The following SLC9B1 variants were observed in gnomAD, a reference collection of about 807,000 sequenced individuals.
SLC9B1 encodes the protein solute carrier family 9 member B1.
SLC9B1 carries 32 observed loss-of-function variants against 51.7 expected under a neutral mutation model. That is an observed-to-expected ratio of 0.62 (90% CI 0.47 to 0.83). The LOEUF is 0.83. Among genes scored for constraint, SLC9B1 ranks in the 40% least tolerant of loss-of-function variants. The pLI is 0.00. For missense variants in SLC9B1, 406 were observed against 613.2 expected, an observed-to-expected ratio of 0.66 and a Z score of 3.57; for synonymous variants, 145 against 212.7, an observed-to-expected ratio of 0.68 and a Z score of 2.77.
chr4:102,974,242 GA>G (rs141412944), intron 3 of SLC9B1, among the ~76,000 whole-genome samples: 2,871 of 53,074 alleles, frequency 0.054, 23 homozygotes, highest in African/African-American at 0.077. Context: ...GTCTAAAATT[GA>G]AAAAAAAAAA....
intron 10 of SLC9B1, chr4:102,906,269 G>A (rs112319305): frequency 0.018 from 3,615 of 199,706 alleles, 46 homozygotes; most frequent in Non-Finnish European, 0.023. Context: ...AGCGCTGATC[G>A]TATCAAATAT....
At chr4:102,986,881 G>A (rs9999303) in intron 3 of SLC9B1, among the ~76,000 whole-genome samples, 88,170 of 151,820 alleles carry the variant, frequency 0.58, 27,007 homozygotes, top group African/African-American at 0.79. Context: ...ATTTTTTTCC[G>A]TTAGAGATCT....
At chr4:102,932,650 G>C (rs898666815) in intron 6 of SLC9B1, among the ~76,000 whole-genome samples, 3 of 152,186 alleles carry the variant, frequency 2.0e-5, no homozygotes, top group Non-Finnish European at 4.4e-5. Flanking sequence ...AGTAAGATAA[G>C]AGACAGACAA....
chr4:102,951,042 C>T (rs1422752100), intron 3 of SLC9B1, among the ~76,000 whole-genome samples: 1 of 152,046 alleles, frequency 6.6e-6, no homozygotes, highest in East Asian at 1.9e-4. Flanking sequence ...AAACAAAACA[C>T]GGACAAGAAA....
intron 3 of SLC9B1, among the ~76,000 whole-genome samples, chr4:102,977,297 T>TAAAAAAAA (rs3974480): frequency 7.7e-6 from 1 of 129,308 alleles, no homozygotes; most frequent in African/African-American, 2.7e-5. Flanking sequence ...TATTATAACT[T>TAAAAAAAA]AAAAAAAAAA....
chr4:102,885,062 G>C (rs1223619247), exon 12 of SLC9B1: 2 of 670,124 alleles, frequency 3.0e-6, no homozygotes, highest in Admixed American at 4.4e-5. Context: ...GGTAGAGCTG[G>C]CTTTATTGTG....
At chr4:102,954,787 T>C (rs1401595799) in intron 3 of SLC9B1, among the ~76,000 whole-genome samples, 1 of 151,998 alleles carries the variant, frequency 6.6e-6, no homozygotes, top group African/African-American at 2.4e-5. Context: ...ATTGGTAAAA[T>C]GTAGGTTAGT....
Position 102,982,397 on chromosome 4 carries a change from C to T in SLC9B1, c.211+7403G>A, listed in dbSNP as rs74491763. 8.8e-4 allele frequency among the ~76,000 whole-genome samples: 134 copies of T among 152,058 alleles called. No individual in the cohort carries two copies. In the East Asian group the frequency reaches 0.019, roughly 22 times the overall value. On this transcript the variant is annotated intron_variant, in intron 3 of 11. Transcript: ENST00000296422. ...GAGTTGGCTTTTCTGGGTCTTTTGC[C>T]TGCCCAAACAAATTTTTAAATAAAT...
At position 102,913,253 on chromosome 4, in the gene SLC9B1, T is replaced by C. The variant is rs1735425749; in HGVS notation, c.830-1716A>G. Among the ~76,000 whole-genome samples, 3 of 152,280 alleles carry C rather than the reference T, an allele frequency of 2.0e-5. No homozygotes were observed. In the South Asian group the frequency reaches 6.2e-4, roughly 32 times the overall value. On this transcript the variant is annotated intron_variant, in intron 7 of 11. Transcript: ENST00000296422. ...AACTTGACACCCAACTGGCATACTT[T>C]GGATGCGTGGGAGCCACTGGGAATA...
intron 9 of SLC9B1, among the ~76,000 whole-genome samples, chr4:102,906,850 C>T (rs1735083662): frequency 2.0e-5 from 3 of 152,136 alleles, no homozygotes; most frequent in Admixed American, 6.5e-5. Flanking sequence ...CTCGCAGTCT[C>T]CCAAGTAGAA....
intron 1 of SLC9B1, among the ~76,000 whole-genome samples, chr4:103,005,177 T>C (rs1474915950): frequency 6.6e-6 from 1 of 151,040 alleles, no homozygotes; most frequent in Non-Finnish European, 1.5e-5. Context: ...CCCAACAATA[T>C]ACTGTCTTCA....
chr4:102,921,744 T>G (rs1248329298), intron 7 of SLC9B1, among the ~76,000 whole-genome samples: 1 of 151,728 alleles, frequency 6.6e-6, no homozygotes, highest in African/African-American at 2.4e-5. Flanking sequence ...AAGCAAAAAA[T>G]AGCAGGGGTT....
chr4:102,968,551 G>A (rs1468425220), intron 3 of SLC9B1, among the ~76,000 whole-genome samples: 1 of 152,170 alleles, frequency 6.6e-6, no homozygotes, highest in Non-Finnish European at 1.5e-5. Flanking sequence ...TAAATGAAAG[G>A]AGAGGATTGT....
At position 102,977,724 on chromosome 4, in the gene SLC9B1, G is replaced by A. The variant is rs559498408; in HGVS notation, c.211+12076C>T. On this transcript the variant is annotated intron_variant, in intron 3 of 11. Transcript: ENST00000296422. ...ATTCTCAGAGCCCCAGCTGGGTGCA[G>A]TATATGGCTAAGCAATTAATATGGG... 1.4e-3 allele frequency among the ~76,000 whole-genome samples: 213 copies of A among 152,312 alleles called. 3 individuals are homozygous for A. Among genetic ancestry groups the A allele is most frequent in the South Asian group, 0.012 (57 of 4,826 alleles).
intron 3 of SLC9B1, among the ~76,000 whole-genome samples, chr4:102,980,024 T>C (rs1739275038): frequency 6.6e-6 from 1 of 152,158 alleles, no homozygotes; most frequent in African/African-American, 2.4e-5. Context: ...ATTAGAGAAA[T>C]GCAAATCAAA....
chr4:102,991,696 A>T lies in SLC9B1; in HGVS notation c.16T>A (p.Ser6Thr), dbSNP rs1262876495. 6.3e-7 allele frequency: 1 copy of T among 1,584,110 alleles called. No individual in the cohort carries two copies. Among genetic ancestry groups the T allele is most frequent in the Non-Finnish European group, 8.6e-7 (1 of 1,163,046 alleles). Residue 6 changes from serine (S) to threonine (T), a missense_variant, in exon 2 of 12, where the codon TCA becomes ACA. Ser to Thr is a moderately conservative substitution (Grantham distance 58). Coordinates refer to ENST00000296422, the MANE Select transcript of SLC9B1 (RefSeq NM_139173.4). MHTTE[S>T]KNEHLEDENF... ...TCATCCTCCAAATGTTCATTTTTTG[A>T]TTCTGTGGTATGCATGCTAAGATTT...
intron 1 of SLC9B1, among the ~76,000 whole-genome samples, chr4:103,006,726 A>C (rs1223578870): frequency 6.6e-6 from 1 of 152,226 alleles, no homozygotes; most frequent in Admixed American, 6.5e-5. Flanking sequence ...ACACTGATGC[A>C]AAAATCCTCA....
intron 11 of SLC9B1, among the ~76,000 whole-genome samples, 159 bp from the exon 12 acceptor site, chr4:102,901,491 T>C (rs1436955033): frequency 2.0e-5 from 3 of 152,280 alleles, no homozygotes; most frequent in African/African-American, 7.2e-5. Flanking sequence ...TTCCATGTTC[T>C]TCCTAGCAAA....
intron 3 of SLC9B1, among the ~76,000 whole-genome samples, chr4:102,987,285 C>A (rs1347850399): frequency 6.6e-6 from 1 of 152,000 alleles, no homozygotes; most frequent in Non-Finnish European, 1.5e-5. Flanking sequence ...ATGTGGAAGG[C>A]TAGAGGAGGC....
Sources: allele counts gnomAD v4.1 joint callset (sites outside exome capture counted in the v4.1 genomes callset), GRCh38; gene constraint gnomAD v4.1.1; transcripts MANE v1.5; gene names NCBI Gene and HGNC (gene_info 2026-07-23, HGNC 2026-07-21).